NELL1: variants seen among roughly 807,000 people sequenced by gnomAD.
NELL1 encodes neural EGFL like 1, also known as protein kinase C-binding protein NELL1.
In NELL1, 76 loss-of-function variants were observed where a neutral mutation model predicts 107.4. The observed-to-expected ratio is 0.71, with a 90% CI of 0.59 to 0.86. The LOEUF (loss-of-function observed/expected upper bound fraction) is 0.86, where lower values mean the gene tolerates loss of function less well. Among genes scored for constraint, NELL1 ranks in the 40% least tolerant of loss-of-function variants. The probability of loss-of-function intolerance (pLI) is 0.00; values close to 1 mark genes in which losing one functional copy is unlikely to be tolerated. For missense variants in NELL1, 1,024 were observed against 1,005.5 expected, an observed-to-expected ratio of 1.02 and a Z score of -0.25; for synonymous variants, 353 against 341.2, an observed-to-expected ratio of 1.03 and a Z score of -0.38.
rs902456910 is a variant in NELL1 at position 21,390,341 on chromosome 11, T to C, written c.1645+19393T>C. Among the ~76,000 whole-genome samples, 5 of 149,982 alleles carry C rather than the reference T, an allele frequency of 3.3e-5. No homozygotes were observed. The South Asian group carries it at 1.0e-3, about 31-fold the overall frequency. On this transcript the variant is annotated intron_variant, in intron 15 of 19. Transcript: ENST00000357134. The stretch of plus-strand genomic sequence containing the variant: ...CTATTCTATTCCAGAGTCAAACATT[T>C]TCTTTCCCATCTCTATAATAACAAT...
At chr11:21,216,943 T>C (rs1857627084) in intron 13 of NELL1, among the ~76,000 whole-genome samples, 1 of 152,110 alleles carries the variant, frequency 6.6e-6, no homozygotes, top group South Asian at 2.1e-4. Flanking sequence ...CAGAATGATA[T>C]GGTTTGGCTG....
intron 12 of NELL1, among the ~76,000 whole-genome samples, chr11:21,034,665 ATT>A (rs1427505196): frequency 1.4e-4 from 21 of 152,294 alleles, no homozygotes; most frequent in African/African-American, 5.1e-4. Flanking sequence ...AAATAATGAA[ATT>A]AAGGCAAAAG....
rs114621166 is a variant in NELL1, at chr11:21,435,977, C to A, written c.1645+65029C>A. Among the ~76,000 whole-genome samples, 1,429 of 152,062 alleles carry A rather than the reference C, an allele frequency of 9.4e-3. 21 individuals carry two copies. Among genetic ancestry groups the A allele is most frequent in the African/African-American group, 0.033 (1,362 of 41,478 alleles). On this transcript the variant is annotated intron_variant, in intron 15 of 19. Coordinates refer to ENST00000357134, the MANE Select transcript of NELL1 (RefSeq NM_006157.5). ...GTAAAGCAATCAGTGCCAGGCATTT[C>A]TTTTTTTAGGAGACTTTTATTACTG...
intron 15 of NELL1, among the ~76,000 whole-genome samples, chr11:21,405,136 T>C (rs1200641635): frequency 6.6e-6 from 1 of 152,012 alleles, no homozygotes; most frequent in African/African-American, 2.4e-5. Context: ...GTGGTTCCAC[T>C]TGTAGACCAC....
At chr11:21,088,059 C>CTG (rs56900585) in intron 12 of NELL1, among the ~76,000 whole-genome samples, 21,004 of 135,840 alleles carry the variant, frequency 0.15, 1,592 homozygotes, top group South Asian at 0.25. Context: ...CCCAGTAGCT[C>CTG]TGTGTGTGTG....
chr11:20,829,863 T>C (rs890428391), intron 3 of NELL1, among the ~76,000 whole-genome samples: 1 of 152,210 alleles, frequency 6.6e-6, no homozygotes, highest in Non-Finnish European at 1.5e-5. Flanking sequence ...GGATTCCTTA[T>C]ATTGATATAT....
intron 14 of NELL1, among the ~76,000 whole-genome samples, chr11:21,298,993 A>G (rs1849435453): frequency 6.6e-6 from 1 of 151,960 alleles, no homozygotes; most frequent in Non-Finnish European, 1.5e-5. Flanking sequence ...TTACTTGACC[A>G]TGGTTATAGT....
intron 2 of NELL1, among the ~76,000 whole-genome samples, chr11:20,720,547 T>A (rs1331973979): frequency 3.3e-5 from 5 of 152,130 alleles, no homozygotes; most frequent in Admixed American, 3.3e-4. Context: ...CAAGGGCTGC[T>A]CTAGCAAAGT....
At chr11:21,513,330 A>G (rs1193107899) in intron 15 of NELL1, among the ~76,000 whole-genome samples, 1 of 152,200 alleles carries the variant, frequency 6.6e-6, no homozygotes, top group Non-Finnish European at 1.5e-5. Context: ...TTTTCCAAAA[A>G]TAATATGGAT....
At chr11:21,088,706 C>T (rs567844329) in intron 12 of NELL1, among the ~76,000 whole-genome samples, 38 of 152,252 alleles carry the variant, frequency 2.5e-4, no homozygotes, top group African/African-American at 8.4e-4. Context: ...TCATACCTCA[C>T]GTCTAATTTT....
chr11:20,878,457 C>T (rs1448101662), intron 4 of NELL1, among the ~76,000 whole-genome samples: 3 of 150,136 alleles, frequency 2.0e-5, no homozygotes, highest in Admixed American at 2.0e-4. Context: ...TCTGATTTCT[C>T]TGTTAGTGAG....
intron 14 of NELL1, among the ~76,000 whole-genome samples, chr11:21,317,228 C>T (rs959555051): frequency 2.6e-5 from 4 of 151,728 alleles, no homozygotes; most frequent in African/African-American, 9.7e-5. Flanking sequence ...TATACTATTC[C>T]ATTGATTGCA....
At chr11:21,253,739 C>T (rs574169094) in intron 14 of NELL1, among the ~76,000 whole-genome samples, 1 of 152,156 alleles carries the variant, frequency 6.6e-6, no homozygotes, top group East Asian at 1.9e-4. Flanking sequence ...AATAGTCAGT[C>T]AGCCAAGGAT....
At chr11:21,087,492 C>A (rs1854423015) in intron 12 of NELL1, among the ~76,000 whole-genome samples, 1 of 152,128 alleles carries the variant, frequency 6.6e-6, no homozygotes, top group Non-Finnish European at 1.5e-5. Flanking sequence ...ATCATACTGA[C>A]AAATATTATT....
At chr11:21,318,854 G>T (rs558238418) in intron 14 of NELL1, among the ~76,000 whole-genome samples, 2 of 152,126 alleles carry the variant, frequency 1.3e-5, no homozygotes, top group South Asian at 4.1e-4. Context: ...GAGTCAGATG[G>T]GGTGAGTTAA....
At chr11:21,391,701 G>A (rs537904041) in intron 15 of NELL1, among the ~76,000 whole-genome samples, 1 of 151,786 alleles carries the variant, frequency 6.6e-6, no homozygotes, top group South Asian at 2.1e-4. Context: ...CTGGAGTGCG[G>A]TAATGCAGTA....
chr11:21,340,367 T>G (rs544410792), intron 14 of NELL1, among the ~76,000 whole-genome samples: 21 of 152,184 alleles, frequency 1.4e-4, no homozygotes, highest in Non-Finnish European at 2.8e-4. Context: ...TTAGCCAAGA[T>G]GGTCTCGATC....
chr11:21,337,808 CTTG>C (rs1850458106), intron 14 of NELL1, among the ~76,000 whole-genome samples: 1 of 61,432 alleles, frequency 1.6e-5, no homozygotes, highest in African/African-American at 5.7e-5. Flanking sequence ...TTCTTTCTTT[CTTG>C]CTTTCCTTCT....
At chr11:21,174,719 A>G (rs910389006) in intron 13 of NELL1, among the ~76,000 whole-genome samples, 1 of 151,732 alleles carries the variant, frequency 6.6e-6, no homozygotes, top group African/African-American at 2.4e-5. Context: ...TTGTGTCATA[A>G]TTCACATGAT....
Sources: gnomAD v4.1 joint callset for allele counts (sites outside exome capture counted in the v4.1 genomes callset) on GRCh38, gnomAD v4.1.1 for gene constraint, MANE v1.5 for transcripts, NCBI Gene and HGNC (gene_info 2026-07-23, HGNC 2026-07-21) for gene names.